TMEM135: variants seen among roughly 807,000 people sequenced by gnomAD.
TMEM135 encodes peroxisomal membrane protein 52.
Under a neutral mutation model 60.3 loss-of-function variants are expected in TMEM135, and 30 were observed. The ratio of observed to expected loss-of-function variants is 0.50; its 90% CI spans 0.37 to 0.68. TMEM135 has a LOEUF of 0.68. Among genes scored for constraint, TMEM135 ranks in the 30% least tolerant of loss-of-function variants. The pLI, the probability that TMEM135 is intolerant of heterozygous loss-of-function variation, is 0.00. For synonymous variants in TMEM135, 190 were observed against 186.7 expected (o/e 1.02, Z -0.14); for missense variants, 468 against 548.8 (o/e 0.85, Z 1.47).
chr11:87,247,150 G>A (rs1351432715), intron 6 of TMEM135, among the ~76,000 whole-genome samples: 1 of 151,748 alleles, frequency 6.6e-6, no homozygotes, highest in African/African-American at 2.4e-5. Flanking sequence ...ACCAGCAGCC[G>A]TGGCTGCAGA....
At position 87,326,642 on chromosome 11, in the gene TMEM135, T is replaced by G. The variant is rs1565175355; in HGVS notation, c.*5309T>G. The stretch of plus-strand genomic sequence containing the variant: ...TTTCTTTACCTTTCCTGGCCCATGC[T>G]TTCCTGCCATATCTTTGCTATGTAT... On this transcript the variant is annotated 3_prime_UTR_variant, in exon 15 of 15. Transcript: ENST00000305494. 2 of 454,134 alleles carry G rather than the reference T, an allele frequency of 4.4e-6. No individual in the cohort carries two copies. Among genetic ancestry groups the G allele is most frequent in the South Asian group, 3.1e-5 (2 of 64,476 alleles). The allele number at this position is 454,134 out of a possible 1,614,324, so 28.1% of individuals were successfully genotyped here. A position where few individuals can be genotyped will look rare whatever the true frequency, so the allele number is the denominator to read the frequency against.
intron 5 of TMEM135, among the ~76,000 whole-genome samples, chr11:87,168,810 G>A (rs902174708): frequency 6.6e-6 from 1 of 152,164 alleles, no homozygotes; most frequent in Non-Finnish European, 1.5e-5. Flanking sequence ...TTCTGTAGAT[G>A]TCTATTAAGT....
intron 3 of TMEM135, among the ~76,000 whole-genome samples, chr11:87,087,744 G>GT (rs113236993): frequency 0.081 from 12,286 of 150,782 alleles, 561 homozygotes; most frequent in East Asian, 0.17. Context: ...AGATAAGACT[G>GT]TTTTTTTTTG....
chr11:87,297,593 C>T (rs561512274), intron 7 of TMEM135, among the ~76,000 whole-genome samples: 1 of 152,336 alleles, frequency 6.6e-6, no homozygotes, highest in Admixed American at 6.5e-5. Flanking sequence ...TCTCCTTAGA[C>T]TCCCAGAATT....
intron 1 of TMEM135, among the ~76,000 whole-genome samples, chr11:87,065,895 A>G (rs1856641341): frequency 1.3e-5 from 2 of 152,168 alleles, no homozygotes; most frequent in African/African-American, 4.8e-5. Context: ...TTAACCTATC[A>G]TTTACCACAC....
intron 5 of TMEM135, among the ~76,000 whole-genome samples, chr11:87,224,890 A>G (rs536761284): frequency 6.6e-6 from 1 of 151,950 alleles, no homozygotes; most frequent in South Asian, 2.1e-4. Context: ...TCATCTTACT[A>G]TATATGTAAA....
chr11:87,268,367 T>C (rs1331080901), intron 6 of TMEM135, among the ~76,000 whole-genome samples: 1 of 151,700 alleles, frequency 6.6e-6, no homozygotes, highest in Non-Finnish European at 1.5e-5. Flanking sequence ...CCCCCCACCT[T>C]GGCCTCCCAA....
At chr11:87,091,508 C>T (rs1259724307) in intron 4 of TMEM135, 113 bp downstream of exon 4, 3 of 1,032,454 alleles carry the variant, frequency 2.9e-6, no homozygotes, top group Non-Finnish European at 4.4e-6. Flanking sequence ...GGATAATCTT[C>T]TCTGTGTTAA....
At chr11:87,186,202 G>A (rs1939649081) in intron 5 of TMEM135, among the ~76,000 whole-genome samples, 1 of 152,168 alleles carries the variant, frequency 6.6e-6, no homozygotes, top group African/African-American at 2.4e-5. Flanking sequence ...ACCGTGCCCA[G>A]CTGTAGTTAT....
At chr11:87,099,682 G>GATTTTTTTT (rs1857409100) in intron 4 of TMEM135, among the ~76,000 whole-genome samples, 1 of 109,386 alleles carries the variant, frequency 9.1e-6, no homozygotes, top group Admixed American at 9.9e-5. Context: ...TTTCATGGTG[G>GATTTTTTTT]TTTTTTTTTT....
intron 4 of TMEM135, among the ~76,000 whole-genome samples, chr11:87,136,772 T>A (rs1257434482): frequency 2.0e-5 from 3 of 151,900 alleles, no homozygotes; most frequent in African/African-American, 7.3e-5. Context: ...TACATTTAAG[T>A]TGTCAATTAA....
chr11:87,192,801 C>T (rs994093341), intron 5 of TMEM135, among the ~76,000 whole-genome samples: 11 of 152,000 alleles, frequency 7.2e-5, no homozygotes, highest in Admixed American at 4.6e-4. Flanking sequence ...GTGGGTGAGC[C>T]GTGTATACTG....
rs1263188534 is a variant in TMEM135, at chr11:87,322,575, A to AC, written c.*1243dup. 6 of 454,044 alleles carry AC rather than the reference A, an allele frequency of 1.3e-5. No individual in the cohort carries two copies. In the East Asian group the frequency reaches 3.5e-4, roughly 26 times the overall value. The allele number at this position is 454,044 out of a possible 1,614,324, so 28.1% of individuals were successfully genotyped here. On this transcript the variant is annotated 3_prime_UTR_variant, in exon 15 of 15. Coordinates refer to ENST00000305494, the MANE Select transcript of TMEM135 (RefSeq NM_022918.4). ...GCTGAAGTGGTCTACAGTTAATGTG[A>AC]CATGTAGGGATGATGATATTTTTAA...
chr11:87,077,291 G>T (rs1354259281), intron 3 of TMEM135, among the ~76,000 whole-genome samples: 4 of 152,214 alleles, frequency 2.6e-5, no homozygotes, highest in Non-Finnish European at 4.4e-5. Flanking sequence ...ATGCCTTTGA[G>T]ATCCATCTAA....
At chr11:87,178,412 A>G (rs903103203) in intron 5 of TMEM135, 45 of 455,972 alleles carry the variant, frequency 9.9e-5, no homozygotes, top group African/African-American at 7.8e-4. Context: ...TGCCCTTTTG[A>G]GTCTGCCTTC....
intron 4 of TMEM135, among the ~76,000 whole-genome samples, chr11:87,102,938 C>T (rs1227316161): frequency 6.6e-6 from 1 of 152,062 alleles, no homozygotes; most frequent in Non-Finnish European, 1.5e-5. Flanking sequence ...TCACAACCCC[C>T]TCTTCCCTTG....
intron 6 of TMEM135, among the ~76,000 whole-genome samples, chr11:87,273,009 C>T (rs1282849446): frequency 6.6e-6 from 1 of 152,140 alleles, no homozygotes; most frequent in African/African-American, 2.4e-5. Context: ...GACCATTCTG[C>T]CTCGTTATAG....
chr11:87,041,889 T>C (rs1949753090), intron 1 of TMEM135, among the ~76,000 whole-genome samples: 1 of 152,236 alleles, frequency 6.6e-6, no homozygotes, highest in African/African-American at 2.4e-5. Context: ...TGGGGCAGTA[T>C]GAGGACTTCT....
At position 87,049,429 on chromosome 11, in the gene TMEM135, T is replaced by G. The variant is rs1365878825; in HGVS notation, c.141+11243T>G. Reference sequence around the variant, plus strand: ...CTGTATTCAGGAAACCCATCTCACATGCAGAGACACACATAGGCTCAAAAT... The same window carrying G: ...CTGTATTCAGGAAACCCATCTCACAGGCAGAGACACACATAGGCTCAAAAT... On this transcript the variant is annotated intron_variant, in intron 1 of 14. Transcript: ENST00000305494. Among the ~76,000 whole-genome samples, 17 of 96,956 alleles carry G rather than the reference T, an allele frequency of 1.8e-4. No individual in the cohort carries two copies. In the Admixed American group the frequency reaches 1.9e-3, roughly 11 times the overall value. The allele number at this position is 96,956 out of a possible 152,430, so 63.6% of individuals were successfully genotyped here.
Sources: gnomAD v4.1 joint callset for allele counts (sites outside exome capture counted in the v4.1 genomes callset) on GRCh38, gnomAD v4.1.1 for gene constraint, MANE v1.5 for transcripts, NCBI Gene and HGNC (gene_info 2026-07-23, HGNC 2026-07-21) for gene names.